DPYS: variants seen among roughly 807,000 people sequenced by gnomAD.
DPYS encodes dihydropyrimidinase.
Under a neutral mutation model 50.3 loss-of-function variants are expected in DPYS, and 39 were observed. The ratio of observed to expected loss-of-function variants is 0.78; its 90% confidence interval spans 0.60 to 1.01. The LOEUF is 1.01. DPYS is among the 50% of genes least tolerant of loss of function. The pLI, the probability that DPYS is intolerant of heterozygous loss-of-function variation, is 0.00. For synonymous variants in DPYS, 245 were observed against 250.7 expected (o/e 0.98, Z 0.22); for missense variants, 659 against 680.9 (o/e 0.97, Z 0.36).
chr8:104,450,330 C>T (rs936569647), intron 2 of DPYS, among the ~76,000 whole-genome samples: 19 of 152,126 alleles, frequency 1.2e-4, no homozygotes, highest in African/African-American at 4.6e-4. Context: ...TGCTGAACTA[C>T]CTGTTAAAGA....
chr8:104,401,669 G>A (rs1220211071), intron 7 of DPYS, among the ~76,000 whole-genome samples: 2 of 152,104 alleles, frequency 1.3e-5, no homozygotes, highest in Non-Finnish European at 2.9e-5. Flanking sequence ...AGCCAAAATT[G>A]ACCAGTCATT....
chr8:104,461,516 A>C (rs1196189725), intron 1 of DPYS, among the ~76,000 whole-genome samples: 1 of 152,172 alleles, frequency 6.6e-6, no homozygotes, highest in Admixed American at 6.5e-5. Flanking sequence ...GAATATGAAC[A>C]ATAATTTACA....
At chr8:104,444,558 G>A (rs1239130185) in intron 3 of DPYS, 121 bp from the exon 4 acceptor site, 3 of 925,974 alleles carry the variant, frequency 3.2e-6, no homozygotes, top group Admixed American at 4.1e-5. Flanking sequence ...AGGGGTGTGT[G>A]TGTGTCTGTG....
At chr8:104,404,046 C>T (rs1476584261) in intron 7 of DPYS, among the ~76,000 whole-genome samples, 1 of 152,158 alleles carries the variant, frequency 6.6e-6, no homozygotes. Context: ...TTATAATAGG[C>T]ATAACAAATA....
At chr8:104,394,143 T>C (rs1811498117) in intron 7 of DPYS, among the ~76,000 whole-genome samples, 1 of 152,222 alleles carries the variant, frequency 6.6e-6, no homozygotes, top group African/African-American at 2.4e-5. Flanking sequence ...CTCTCAGGAA[T>C]GGATTAAAGA....
chr8:104,399,696 C>T (rs1182976725), intron 7 of DPYS, among the ~76,000 whole-genome samples: 7 of 151,576 alleles, frequency 4.6e-5, no homozygotes, highest in Admixed American at 2.6e-4. Flanking sequence ...GGTGAAACCC[C>T]GTCTCTACTA....
chr8:104,462,515 G>C (rs1259923953), intron 1 of DPYS, among the ~76,000 whole-genome samples: 3 of 152,040 alleles, frequency 2.0e-5, no homozygotes, highest in Non-Finnish European at 4.4e-5. Context: ...AGAACTTTTT[G>C]TCCTTTACAA....
intron 4 of DPYS, among the ~76,000 whole-genome samples, chr8:104,431,284 C>T (rs1812947715): frequency 6.6e-6 from 1 of 152,040 alleles, no homozygotes; most frequent in African/African-American, 2.4e-5. Context: ...AAAGTGTCAG[C>T]ATCTACCGGG....
In DPYS at chr8:104,444,432, T is replaced by A; in HGVS notation, c.609A>T (p.Ala203=). ...AENGDLIAEG[A]KKMLALGITG... is the part of the protein sequence containing the mutation. ...TTATCCCCAGAGCCAACATCTTCTT[T>A]GCTCCCTAAAAAGACAGCAGGAATG... The change falls in exon 4 of 10, where the codon GCA becomes GCT. Residue 203 remains alanine (A), a synonymous_variant. Transcript: ENST00000351513. 2 of 1,614,234 alleles carry A rather than the reference T, an allele frequency of 1.2e-6. No homozygotes were observed. The highest frequency in any genetic ancestry group is 4.5e-5 in the East Asian group (2 of 44,886).
intron 7 of DPYS, among the ~76,000 whole-genome samples, chr8:104,414,306 C>T (rs183388286): frequency 6.6e-6 from 1 of 152,148 alleles, no homozygotes; most frequent in Non-Finnish European, 1.5e-5. Context: ...TGACTCTAAA[C>T]CAGTGTTTCT....
At chr8:104,382,320 C>T (rs1811080030) in intron 8 of DPYS, among the ~76,000 whole-genome samples, 1 of 152,168 alleles carries the variant, frequency 6.6e-6, no homozygotes, top group Non-Finnish European at 1.5e-5. Flanking sequence ...CAAGCCTCTG[C>T]TCACTTTCTG....
chr8:104,403,550 T>A (rs1811897033), intron 7 of DPYS, among the ~76,000 whole-genome samples: 1 of 152,148 alleles, frequency 6.6e-6, no homozygotes, highest in Non-Finnish European at 1.5e-5. Flanking sequence ...GAAGGAGGGC[T>A]CTCAATTTAA....
intron 7 of DPYS, among the ~76,000 whole-genome samples, chr8:104,408,306 T>C (rs1296301813): frequency 6.6e-6 from 1 of 152,226 alleles, no homozygotes; most frequent in Non-Finnish European, 1.5e-5. Context: ...TTAGGGATTT[T>C]GCAAGAAATG....
chr8:104,402,864 T>G (rs1393241361), intron 7 of DPYS, among the ~76,000 whole-genome samples: 1 of 152,146 alleles, frequency 6.6e-6, no homozygotes, highest in Non-Finnish European at 1.5e-5. Flanking sequence ...GGCTTACAAC[T>G]TAGCTCACAC....
chr8:104,438,325 G>T (rs1813221725), intron 4 of DPYS, among the ~76,000 whole-genome samples: 1 of 152,190 alleles, frequency 6.6e-6, no homozygotes. Context: ...ATATGGTAAA[G>T]AAGGCATATA....
intron 7 of DPYS, among the ~76,000 whole-genome samples, chr8:104,410,804 C>T (rs1812148454): frequency 1.3e-5 from 2 of 152,086 alleles, no homozygotes; most frequent in Non-Finnish European, 2.9e-5. Context: ...CCCATCCTGA[C>T]CCCTCTCTCA....
intron 6 of DPYS, among the ~76,000 whole-genome samples, chr8:104,426,371 G>A (rs1200615289): frequency 6.6e-6 from 1 of 152,174 alleles, no homozygotes; most frequent in African/African-American, 2.4e-5. Flanking sequence ...TACAGAACAA[G>A]AGTTCTTGTA....
chr8:104,406,450 C>A (rs147884124), intron 7 of DPYS, among the ~76,000 whole-genome samples: 5 of 152,298 alleles, frequency 3.3e-5, no homozygotes, highest in African/African-American at 1.2e-4. Flanking sequence ...TTGCAATGCT[C>A]CACCTTCCCC....
intron 7 of DPYS, among the ~76,000 whole-genome samples, chr8:104,405,438 C>T (rs1469978370): frequency 2.0e-5 from 3 of 152,200 alleles, no homozygotes; most frequent in African/African-American, 7.2e-5. Context: ...CAATTACCTA[C>T]ACTGGAATTT....
Sources: gnomAD v4.1 joint callset for allele counts (sites outside exome capture counted in the v4.1 genomes callset) on GRCh38, gnomAD v4.1.1 for gene constraint, MANE v1.5 for transcripts, NCBI Gene and HGNC (gene_info 2026-07-23, HGNC 2026-07-21) for gene names.